The following PURG variants were observed in gnomAD, a reference collection of about 807,000 sequenced individuals.
The protein encoded by PURG is purine rich element binding protein G, also known as purine-rich element-binding protein gamma.
In PURG, 3 loss-of-function variants were observed where a neutral mutation model predicts 24.3. The ratio of observed to expected loss-of-function variants is 0.12; its 90% CI spans 0.06 to 0.32. The LOEUF is 0.32. Among genes scored for constraint, PURG ranks in the 10% least tolerant of loss-of-function variants. The probability of loss-of-function intolerance (pLI) is 1.00; values close to 1 mark genes in which losing one functional copy is unlikely to be tolerated. For synonymous variants in PURG, 180 were observed against 173.1 expected (o/e 1.04, Z -0.31); for missense variants, 371 against 439.1 (o/e 0.84, Z 1.39).
chr8:31,019,327 ATT>A (rs771463137), intron 1 of PURG, among the ~76,000 whole-genome samples: 6 of 78,924 alleles, frequency 7.6e-5, no homozygotes, highest in African/African-American at 2.5e-4. Flanking sequence ...AACACCTCTA[ATT>A]TTTTTTTTTT....
chr8:31,026,746 T>C (rs534070756), downstream of PURG, among the ~76,000 whole-genome samples: 4 of 150,622 alleles, frequency 2.7e-5, no homozygotes, highest in African/African-American at 4.8e-5. Flanking sequence ...TTTCACCCTC[T>C]ACCCATCTGT....
Position 31,033,111 on chromosome 8 carries a change from CT to C in PURG, c.-41del. On this transcript the variant is annotated 5_prime_UTR_variant, in exon 1 of 2. An upstream open reading frame in the 5' UTR loses its in-frame stop. Transcript: ENST00000523392. ...TGCCATCACCGCCGCCGCCGATGCCCTTCACGACCACCGCCGCCGCCACCGC... is the reference window on the plus strand; with the variant it reads ...TGCCATCACCGCCGCCGCCGATGCCCTCACGACCACCGCCGCCGCCACCGC... 1 of 224,598 alleles carries C rather than the reference CT, an allele frequency of 4.5e-6. No homozygotes were observed. The highest frequency in any genetic ancestry group is 8.6e-6 in the Non-Finnish European group (1 of 115,774). 13.9% of individuals were successfully genotyped at this position (224,598 alleles called of 1,614,324 possible). A position where few individuals can be genotyped will look rare whatever the true frequency, so the allele number is the denominator to read the frequency against.
At chr8:31,014,237 G>C (rs773663690) in intron 1 of PURG, among the ~76,000 whole-genome samples, 2 of 152,156 alleles carry the variant, frequency 1.3e-5, no homozygotes, top group Non-Finnish European at 2.9e-5. Context: ...CATTATCCAA[G>C]AGTCATGATC....
chr8:30,998,136 C>T (rs895223859), intron 1 of PURG, among the ~76,000 whole-genome samples: 4 of 151,626 alleles, frequency 2.6e-5, no homozygotes, highest in Admixed American at 6.6e-5. Context: ...AATGAAAAAG[C>T]CTTCAAATTT....
At chr8:31,011,767 G>A (rs1055555260) in intron 1 of PURG, among the ~76,000 whole-genome samples, 1 of 152,178 alleles carries the variant, frequency 6.6e-6, no homozygotes, top group African/African-American at 2.4e-5. Context: ...TCTTTCCTAA[G>A]TTATTGTATC....
downstream of PURG, among the ~76,000 whole-genome samples, chr8:31,030,072 A>C (rs10108022): frequency 5.6e-3 from 856 of 152,142 alleles, 6 homozygotes; most frequent in African/African-American, 0.02. Flanking sequence ...CTTAAGTAAC[A>C]TAAACCAATG....
intron 1 of PURG, among the ~76,000 whole-genome samples, chr8:31,023,619 C>T (rs1811040747): frequency 6.6e-6 from 1 of 151,838 alleles, no homozygotes; most frequent in Non-Finnish European, 1.5e-5. Context: ...TGTGCTGCTT[C>T]TTCTCTTTTC....
At position 31,031,197 on chromosome 8, in the gene PURG, T is replaced by C. The variant is rs2129854526; in HGVS notation, c.*542A>G. ...ATATTTTTAAGGTTTAATTAGGTAA[T>C]AAGATTTGATCCTTTGATGGTATAT... On this transcript the variant is annotated 3_prime_UTR_variant, in exon 2 of 2. Transcript: ENST00000523392. 6.5e-6 allele frequency: 1 copy of C among 153,204 alleles called. No individual in the cohort carries two copies. Among genetic ancestry groups the C allele is most frequent in the East Asian group, 1.9e-4 (1 of 5,196 alleles). The allele number at this position is 153,204 out of a possible 1,614,324, so 9.5% of individuals were successfully genotyped here.
At position 31,033,152 on chromosome 8, in the gene PURG, T is replaced by C; in HGVS notation, c.-81A>G. On this transcript the variant is annotated 5_prime_UTR_variant, in exon 1 of 2. Coordinates refer to ENST00000523392, the MANE Select transcript of PURG (RefSeq NM_001323311.2). ...GCCGCCACCGCCAGCTCTCGGCCCC[T>C]CTGCTGCAGCCGCCGCAGCCGCCGC... is the stretch of plus-strand genomic sequence containing the variant. The C allele has an allele frequency of 9.8e-6, 2 of 204,838 alleles. No homozygotes were observed. The highest frequency in any genetic ancestry group is 2.5e-5 in the African/African-American group (1 of 39,686). The allele number at this position is 204,838 out of a possible 1,614,324, so 12.7% of individuals were successfully genotyped here.
intron 1 of PURG, among the ~76,000 whole-genome samples, chr8:31,003,068 C>T (rs539457396): frequency 6.6e-6 from 1 of 152,262 alleles, no homozygotes; most frequent in South Asian, 2.1e-4. Context: ...ACAAGATTCT[C>T]TTGGTAATTC....
At chr8:31,012,681 T>C (rs559210444) in intron 1 of PURG, among the ~76,000 whole-genome samples, 1 of 152,228 alleles carries the variant, frequency 6.6e-6, no homozygotes, top group Non-Finnish European at 1.5e-5. Flanking sequence ...ATTCCCTCAA[T>C]TTATGGATAA....
chr8:30,996,617 A>G (rs766292005), exon 2 of PURG: 4 of 1,610,644 alleles, frequency 2.5e-6, no homozygotes, highest in Non-Finnish European at 3.4e-6. Context: ...TTTTTGTAGT[A>G]TCATGGGGCT....
chr8:30,999,419 G>T (rs990516524), intron 1 of PURG, among the ~76,000 whole-genome samples: 1 of 151,814 alleles, frequency 6.6e-6, no homozygotes, highest in Non-Finnish European at 1.5e-5. Flanking sequence ...TAAATTAAAG[G>T]TTTTGAAATT....
At chr8:31,029,663 T>A (rs1285014905), downstream of PURG, among the ~76,000 whole-genome samples, 3 of 151,708 alleles carry the variant, frequency 2.0e-5, no homozygotes, top group East Asian at 5.8e-4. Flanking sequence ...ATAGGAACAA[T>A]CAAATACTAG....
chr8:31,020,838 C>T (rs965050670), intron 1 of PURG, among the ~76,000 whole-genome samples: 2 of 152,094 alleles, frequency 1.3e-5, no homozygotes, highest in African/African-American at 2.4e-5. Flanking sequence ...TCTTAAAGTG[C>T]GGTCCCCCTA....
intron 1 of PURG, among the ~76,000 whole-genome samples, chr8:30,998,392 T>C (rs200604724): frequency 6.6e-6 from 1 of 151,766 alleles, no homozygotes; most frequent in Non-Finnish European, 1.5e-5. Flanking sequence ...TTTTGACATA[T>C]TCTATACAGA....
At position 31,033,169 on chromosome 8, in the gene PURG, A is replaced by AGCCGCCGCCCCCCGCCTCCTCCCCC. The variant is rs1563313306; in HGVS notation, c.-123_-99dup. ...TCGGCCCCTCTGCTGCAGCCGCCGC[A>AGCCGCCGCCCCCCGCCTCCTCCCCC]GCCGCCGCCCCCCGCCTCCTCCCCC... is the stretch of plus-strand genomic sequence containing the variant. On this transcript the variant is annotated 5_prime_UTR_variant, in exon 1 of 2. It removes the in-frame stop codon of an upstream open reading frame in the 5' UTR. Transcript: ENST00000523392. The AGCCGCCGCCCCCCGCCTCCTCCCCC allele has an allele frequency of 2.5e-5, 5 of 198,950 alleles. No individual in the cohort carries two copies. The highest frequency in any genetic ancestry group is 5.0e-5 in the African/African-American group (2 of 39,752). The allele number at this position is 198,950 out of a possible 1,614,324, so 12.3% of individuals were successfully genotyped here. A position where few individuals can be genotyped will look rare whatever the true frequency, so the allele number is the denominator to read the frequency against.
chr8:31,009,922 C>A (rs867629546), intron 1 of PURG, among the ~76,000 whole-genome samples: 3 of 151,954 alleles, frequency 2.0e-5, no homozygotes, highest in Non-Finnish European at 4.4e-5. Flanking sequence ...CATAGTGAGA[C>A]CCTGTGTCCA....
intron 1 of PURG, among the ~76,000 whole-genome samples, chr8:31,016,902 T>C (rs1172880116): frequency 6.6e-6 from 1 of 152,202 alleles, no homozygotes; most frequent in Non-Finnish European, 1.5e-5. Context: ...GTATCTTTGA[T>C]GACATCATCA....
Sources: gnomAD v4.1 joint callset for allele counts (sites outside exome capture counted in the v4.1 genomes callset) on GRCh38, gnomAD v4.1.1 for gene constraint, MANE v1.5 for transcripts, NCBI Gene and HGNC (gene_info 2026-07-23, HGNC 2026-07-21) for gene names.